Variants in RAI2 observed in about 807,000 individuals in gnomAD.
The protein encoded by RAI2 is retinoic acid-induced protein 2.
RAI2 carries 5 observed loss-of-function variants against 15.3 expected under a neutral mutation model. The ratio of observed to expected loss-of-function variants is 0.33; its 90% CI spans 0.17 to 0.69. The LOEUF (loss-of-function observed/expected upper bound fraction) is 0.69, where lower values mean the gene tolerates loss of function less well. RAI2 is among the 30% of genes least tolerant of loss of function. The pLI is 0.69. For missense variants in RAI2, 424 were observed against 424.7 expected (o/e 1.00, Z 0.01); for synonymous variants, 191 against 184.0 (o/e 1.04, Z -0.31).
At chrX:17,852,171 G>A (rs1160138081) in intron 1 of RAI2, among the ~76,000 whole-genome samples, 2 of 111,717 alleles carry the variant, frequency 1.8e-5, no homozygotes, top group African/African-American at 6.5e-5. Context: ...TTATTTATCC[G>A]CCTGAGCCCA....
intron 1 of RAI2, among the ~76,000 whole-genome samples, chrX:17,828,863 G>C (rs2067253324): frequency 9.0e-6 from 1 of 111,572 alleles, no homozygotes; most frequent in Non-Finnish European, 1.9e-5. Flanking sequence ...AACGGGGTTT[G>C]AGACACCCCC....
At chrX:17,834,589 C>T (rs866072190) in intron 1 of RAI2, among the ~76,000 whole-genome samples, 62 of 110,557 alleles carry the variant, frequency 5.6e-4, no homozygotes, top group African/African-American at 2.0e-3. Context: ...ATTTGACTCG[C>T]TTTACTTTTT....
At chrX:17,844,861 T>G (rs2067438533) in intron 1 of RAI2, among the ~76,000 whole-genome samples, 1 of 112,068 alleles carries the variant, frequency 8.9e-6, no homozygotes, top group Non-Finnish European at 1.9e-5. Flanking sequence ...TTCTTCAAGA[T>G]GTACACTTAA....
At chrX:17,831,876 C>T (rs190899418) in intron 1 of RAI2, among the ~76,000 whole-genome samples, 1 of 112,439 alleles carries the variant, frequency 8.9e-6, no homozygotes, top group East Asian at 2.8e-4. Context: ...AGCCCTAGAA[C>T]TTTGTGGATA....
intron 1 of RAI2, among the ~76,000 whole-genome samples, chrX:17,803,135 T>G (rs2066936658): frequency 1.8e-5 from 2 of 111,498 alleles, no homozygotes; most frequent in South Asian, 7.5e-4. Flanking sequence ...GCCTAGACTT[T>G]AGTCCTGTGG....
chrX:17,849,634 G>A (rs867341621), intron 1 of RAI2, among the ~76,000 whole-genome samples: 32 of 112,746 alleles, frequency 2.8e-4, no homozygotes, highest in Middle Eastern at 4.6e-3. Context: ...GTCATTGGAG[G>A]ATGTTTCCTA....
chrX:17,817,694 T>C (rs1220823415), intron 1 of RAI2, among the ~76,000 whole-genome samples: 1 of 112,295 alleles, frequency 8.9e-6, no homozygotes, highest in Non-Finnish European at 1.9e-5. Flanking sequence ...ACCTGGGAAG[T>C]TGGCACACCT....
intron 1 of RAI2, among the ~76,000 whole-genome samples, chrX:17,811,269 C>T (rs1250307367): frequency 8.9e-6 from 1 of 112,319 alleles, no homozygotes; most frequent in South Asian, 3.7e-4. Context: ...GGACAGGGGA[C>T]TGTGAGAGTC....
chrX:17,846,598 A>G (rs948903193), intron 1 of RAI2, among the ~76,000 whole-genome samples: 2 of 111,640 alleles, frequency 1.8e-5, no homozygotes, highest in Non-Finnish European at 3.8e-5. Context: ...TGACCCATCA[A>G]TTTGTTTTCA....
rs770861139 is a variant in RAI2 at position 17,818,431 on chromosome X, C to A, written c.-24-16397G>T. 8.9e-5 allele frequency among the ~76,000 whole-genome samples: 10 copies of A among 112,302 alleles called. No homozygotes were observed. In the East Asian group the frequency reaches 2.8e-3, roughly 32 times the overall value. On this transcript the variant is annotated intron_variant, in intron 1 of 1. Transcript: ENST00000451717. ...CAAGTTCTAATCTGGAAGCTCCCAT[C>A]CTGAGGCTGCTACTGGAGTTCCAGT...
At chrX:17,832,470 C>T (rs183441483) in intron 1 of RAI2, among the ~76,000 whole-genome samples, 84 of 112,098 alleles carry the variant, frequency 7.5e-4, no homozygotes, top group African/African-American at 2.4e-3. Context: ...CCCTTTGTGC[C>T]CAGTTTCTGC....
chrX:17,847,661 G>C (rs2067479469), intron 1 of RAI2, among the ~76,000 whole-genome samples: 1 of 113,154 alleles, frequency 8.8e-6, no homozygotes, highest in African/African-American at 3.2e-5. Flanking sequence ...CCCAGCCACA[G>C]AAGTGGTCAA....
In RAI2 at chrX:17,825,314, G is replaced by T. The variant is rs747100352; in HGVS notation, c.-24-23280C>A. On this transcript the variant is annotated intron_variant, in intron 1 of 1. Transcript: ENST00000451717. ...CCAAGTGTAAGTTTCTATATGCTCTGTCAAATGCCTCTTTAAGGATTTATT... is the reference window on the plus strand; with the variant it reads ...CCAAGTGTAAGTTTCTATATGCTCTTTCAAATGCCTCTTTAAGGATTTATT... Among the ~76,000 whole-genome samples the T allele has an allele frequency of 2.7e-5, 3 of 112,697 alleles. No homozygotes were observed. The South Asian group carries it at 1.1e-3, about 41-fold the overall frequency.
chrX:17,801,775 T>C lies in RAI2; in HGVS notation c.236A>G (p.Gln79Arg). The change falls in exon 2 of 2, where the codon CAG becomes CGG. Residue 79 changes from glutamine (Q) to arginine (R), a missense_variant. Coordinates refer to ENST00000451717, the MANE Select transcript of RAI2 (RefSeq NM_021785.6). ...TGGGCTCTCCCCGAGGCACAGGGGCTGCAACACAGTGGCCGCCACCTTCAG... is the reference window on the plus strand; with the variant it reads ...TGGGCTCTCCCCGAGGCACAGGGGCCGCAACACAGTGGCCGCCACCTTCAG... Reference protein sequence around the residue: ...MALKVAATVLQPLCLGESPVV... With the variant: ...MALKVAATVLRPLCLGESPVV... 3.3e-6 allele frequency: 4 copies of C among 1,211,836 alleles called. No homozygotes were observed. Among genetic ancestry groups the C allele is most frequent in the Non-Finnish European group, 4.5e-6 (4 of 895,487 alleles).
intron 1 of RAI2, among the ~76,000 whole-genome samples, chrX:17,824,298 G>A (rs1016365841): frequency 8.9e-6 from 1 of 112,472 alleles, no homozygotes; most frequent in Admixed American, 9.4e-5. Context: ...ATTAAAGGGA[G>A]ATCCAAGGGC....
intron 1 of RAI2, among the ~76,000 whole-genome samples, chrX:17,827,039 A>T (rs2067234446): frequency 8.9e-6 from 1 of 112,843 alleles, no homozygotes; most frequent in Admixed American, 9.3e-5. Context: ...AGTCATTGTC[A>T]CATGGAATGT....
chrX:17,812,881 A>G (rs187716872), intron 1 of RAI2, among the ~76,000 whole-genome samples: 15 of 111,819 alleles, frequency 1.3e-4, no homozygotes, highest in African/African-American at 4.5e-4. Flanking sequence ...CTATAACAGA[A>G]GAGTGAAAGA....
At chrX:17,815,323 GCA>G (rs5901632) in intron 1 of RAI2, among the ~76,000 whole-genome samples, 5,595 of 100,877 alleles carry the variant, frequency 0.055, 131 homozygotes, top group African/African-American at 0.078. Context: ...GTGCACACGT[GCA>G]CACACACACA....
rs1441384348 is a variant in RAI2, at chrX:17,801,168, G to A, written c.843C>T (p.Thr281=). ...GCTTCAGTTCATCTTTTTCCAGAGG[G>A]GTCTGGGTGCCTTTAAAGGGGTGCA... ...FGLHPFKGTQ[T]PLEKDELKPF... Residue 281 remains threonine (T), a synonymous_variant, in exon 2 of 2, where the codon ACC becomes ACT. Transcript: ENST00000451717. 3.3e-6 allele frequency: 4 copies of A among 1,211,167 alleles called. No homozygotes were observed. The highest frequency in any genetic ancestry group is 1.8e-5 in the South Asian group (1 of 56,967).
Sources: allele counts gnomAD v4.1 joint callset (sites outside exome capture counted in the v4.1 genomes callset), GRCh38; gene constraint gnomAD v4.1.1; transcripts MANE v1.5; gene names NCBI Gene and HGNC (gene_info 2026-07-23, HGNC 2026-07-21).